Variants in TGS1 observed in about 807,000 individuals in gnomAD.
TGS1 encodes trimethylguanosine synthase 1.
TGS1 carries 69 observed loss-of-function variants against 92.2 expected under a neutral mutation model. The observed-to-expected ratio is 0.75, with a 90% CI of 0.62 to 0.91. The LOEUF (loss-of-function observed/expected upper bound fraction) is 0.91, where lower values mean the gene tolerates loss of function less well. TGS1 is among the 40% of genes least tolerant of loss of function. The probability of loss-of-function intolerance (pLI) is 0.00; values close to 1 mark genes in which losing one functional copy is unlikely to be tolerated. For missense variants in TGS1, 1,062 were observed against 1,001.2 expected (o/e 1.06, Z -0.82); for synonymous variants, 345 against 338.1 (o/e 1.02, Z -0.22).
At chr8:55,791,984 C>T (rs1811900311) in intron 5 of TGS1, among the ~76,000 whole-genome samples, 1 of 152,190 alleles carries the variant, frequency 6.6e-6, no homozygotes, top group African/African-American at 2.4e-5. Flanking sequence ...ACTTGTACTC[C>T]ATATAGCTTC....
Position 55,787,066 on chromosome 8 carries a change from A to T in TGS1, c.1162+6A>T. The T allele has an allele frequency of 1.3e-6, 2 of 1,589,634 alleles. No individual in the cohort carries two copies. The highest frequency in any genetic ancestry group is 1.7e-6 in the Non-Finnish European group (2 of 1,167,870). The stretch of plus-strand genomic sequence containing the variant: ...CACAGACCCACCAGCTGAGGGTAAG[A>T]TTAACCAAGATTTATTCTGCCATGT... On this transcript the variant is annotated splice_donor_region_variant and intron_variant, in intron 4 of 12. Coordinates refer to ENST00000260129, the MANE Select transcript of TGS1 (RefSeq NM_024831.8).
chr8:55,776,201 C>G (rs897840106), intron 1 of TGS1, among the ~76,000 whole-genome samples: 5 of 151,446 alleles, frequency 3.3e-5, no homozygotes, highest in African/African-American at 1.2e-4. Flanking sequence ...ATTGAGCAAG[C>G]AAGGGGTACG....
At chr8:55,775,436 A>G (rs930510402) in intron 1 of TGS1, among the ~76,000 whole-genome samples, 4 of 152,164 alleles carry the variant, frequency 2.6e-5, no homozygotes, top group Non-Finnish European at 4.4e-5. Context: ...GTTTGGAGGA[A>G]GAGAACCACT....
intron 10 of TGS1, among the ~76,000 whole-genome samples, chr8:55,806,104 C>G (rs906611562): frequency 6.6e-6 from 1 of 151,536 alleles, no homozygotes; most frequent in Non-Finnish European, 1.5e-5. Flanking sequence ...GCCTGTAATC[C>G]CAGCACTTTA....
intron 12 of TGS1, among the ~76,000 whole-genome samples, chr8:55,822,104 C>G (rs993628820): frequency 6.7e-6 from 1 of 150,338 alleles, no homozygotes; most frequent in African/African-American, 2.5e-5. Context: ...GAGTCTCACT[C>G]TGTCGCCCAG....
Position 55,804,530 on chromosome 8 carries a change from G to A in TGS1, c.2000-363G>A, listed in dbSNP as rs537105755. Reference sequence around the variant, plus strand: ...GAGTGAAATAATTGGGAAACTCAGCGGAGTGTGGGGGAGCTAGCCAATTAG... The same window carrying A: ...GAGTGAAATAATTGGGAAACTCAGCAGAGTGTGGGGGAGCTAGCCAATTAG... On this transcript the variant is annotated intron_variant, in intron 9 of 12. Transcript: ENST00000260129. Among the ~76,000 whole-genome samples, 87 of 152,280 alleles carry A rather than the reference G, an allele frequency of 5.7e-4. 1 individual carries two copies. The highest frequency in any genetic ancestry group is 1.7e-3 in the African/African-American group (69 of 41,560).
intron 7 of TGS1, among the ~76,000 whole-genome samples, chr8:55,796,789 G>A (rs564062598): frequency 2.6e-5 from 4 of 151,962 alleles, no homozygotes; most frequent in South Asian, 2.1e-4. Flanking sequence ...TCAGGAGTTC[G>A]AGACCAGCCT....
At chr8:55,791,951 A>C (rs990703537) in intron 5 of TGS1, among the ~76,000 whole-genome samples, 1 of 152,216 alleles carries the variant, frequency 6.6e-6, no homozygotes, top group East Asian at 1.9e-4. Context: ...CTTTGACTGG[A>C]TATGGGGTGC....
At chr8:55,795,393 C>G (rs1338884598) in intron 6 of TGS1, among the ~76,000 whole-genome samples, 1 of 152,170 alleles carries the variant, frequency 6.6e-6, no homozygotes, top group African/African-American at 2.4e-5. Flanking sequence ...ACGTGACACT[C>G]TTAAGTCCCT....
At chr8:55,776,493 G>T (rs1378513792) in intron 1 of TGS1, among the ~76,000 whole-genome samples, 1 of 152,090 alleles carries the variant, frequency 6.6e-6, no homozygotes, top group Admixed American at 6.6e-5. Context: ...TGTTAGCCAG[G>T]ATGGTCTCTG....
chr8:55,823,536 A>G (rs997832119), intron 12 of TGS1, among the ~76,000 whole-genome samples: 2 of 152,202 alleles, frequency 1.3e-5, no homozygotes, highest in African/African-American at 4.8e-5. Context: ...AACAGGTAGA[A>G]GAAGTGATCC....
At chr8:55,794,688 G>A (rs1380862706) in intron 6 of TGS1, among the ~76,000 whole-genome samples, 1 of 152,194 alleles carries the variant, frequency 6.6e-6, no homozygotes, top group Admixed American at 6.5e-5. Context: ...AAATGCCCAA[G>A]CATTAAATAT....
intron 12 of TGS1, among the ~76,000 whole-genome samples, chr8:55,821,343 G>C (rs1354965023): frequency 6.6e-6 from 1 of 152,130 alleles, no homozygotes; most frequent in African/African-American, 2.4e-5. Context: ...GCACTGCCTA[G>C]AACAGATACC....
At chr8:55,817,287 G>C (rs991740000) in intron 12 of TGS1, among the ~76,000 whole-genome samples, 1 of 152,038 alleles carries the variant, frequency 6.6e-6, no homozygotes, top group African/African-American at 2.4e-5. Flanking sequence ...TATTTTGGTA[G>C]GTAGGTAAGT....
At chr8:55,819,131 AG>A (rs2130253827) in intron 12 of TGS1, among the ~76,000 whole-genome samples, 1 of 152,046 alleles carries the variant, frequency 6.6e-6, no homozygotes, top group East Asian at 1.9e-4. Flanking sequence ...TTGTAGAGAC[AG>A]GGTTTCACCA....
intron 1 of TGS1, among the ~76,000 whole-genome samples, chr8:55,776,179 G>C (rs1811391328): frequency 6.6e-6 from 1 of 152,020 alleles, no homozygotes; most frequent in Admixed American, 6.5e-5. Context: ...CTGCATGAGA[G>C]GATCGTGATT....
Position 55,799,022 on chromosome 8 carries a change from G to A in TGS1, c.1651G>A (p.Glu551Lys), listed in dbSNP as rs1812138339. The stretch of plus-strand genomic sequence containing the variant: ...CGCTTCCACAAGTAGTGATTCAGAG[G>A]AACAAGACATGTCTGTTAAAAAAGG... ...HDASTSSDSEEQDMSVKKGDD... is the reference protein window; with the variant it reads ...HDASTSSDSEKQDMSVKKGDD... Residue 551 changes from glutamate (E) to lysine (K), a missense_variant, in exon 8 of 13, where the codon GAA (glutamate) becomes AAA (lysine). Glu to Lys is a moderately conservative substitution (Grantham distance 56). Coordinates refer to ENST00000260129, the MANE Select transcript of TGS1 (RefSeq NM_024831.8). The A allele has an allele frequency of 1.2e-6, 2 of 1,614,166 alleles. 1 individual carries two copies. Among genetic ancestry groups the A allele is most frequent in the Middle Eastern group, 3.3e-4 (2 of 6,060 alleles).
chr8:55,818,066 T>C (rs529161221), intron 12 of TGS1, among the ~76,000 whole-genome samples: 1 of 152,342 alleles, frequency 6.6e-6, no homozygotes, highest in Admixed American at 6.5e-5. Flanking sequence ...GACAGTCTTA[T>C]TACACCTTGC....
At chr8:55,823,019 C>G (rs1803691805) in intron 12 of TGS1, among the ~76,000 whole-genome samples, 1 of 152,158 alleles carries the variant, frequency 6.6e-6, no homozygotes, top group South Asian at 2.1e-4. Context: ...ATGCCTGTCC[C>G]TAATACTTTG....
Sources: allele counts gnomAD v4.1 joint callset (sites outside exome capture counted in the v4.1 genomes callset), GRCh38; gene constraint gnomAD v4.1.1; transcripts MANE v1.5; gene names NCBI Gene and HGNC (gene_info 2026-07-23, HGNC 2026-07-21).